The following PIEZO2 variants were observed in gnomAD, a reference collection of about 807,000 sequenced individuals.
The protein encoded by PIEZO2 is piezo-type mechanosensitive ion channel component 2.
PIEZO2 carries 172 observed loss-of-function variants against 337.3 expected under a neutral mutation model. That is an observed-to-expected ratio of 0.51 (90% CI 0.45 to 0.58). The LOEUF (loss-of-function observed/expected upper bound fraction) is 0.58. Among genes scored for constraint, PIEZO2 ranks in the 20% least tolerant of loss-of-function variants. The pLI is 0.00. For missense variants in PIEZO2, 3,028 were observed against 3,391.3 expected (o/e 0.89, Z 2.66); for synonymous variants, 1,251 against 1,228.5 (o/e 1.02, Z -0.38).
chr18:11,115,761 G>A (rs2039871867), intron 1 of PIEZO2, among the ~76,000 whole-genome samples: 1 of 151,996 alleles, frequency 6.6e-6, no homozygotes, highest in Admixed American at 6.6e-5. Flanking sequence ...ATCTGGCAAT[G>A]ATAATACTAG....
chr18:10,728,846 G>A (rs557746438), intron 36 of PIEZO2, among the ~76,000 whole-genome samples: 4 of 151,466 alleles, frequency 2.6e-5, no homozygotes, highest in South Asian at 4.2e-4. Context: ...TCCCAGCTAC[G>A]TGGGAGGCTG....
At chr18:10,715,276 G>A (rs1236973096) in intron 38 of PIEZO2, among the ~76,000 whole-genome samples, 2 of 152,018 alleles carry the variant, frequency 1.3e-5, no homozygotes, top group Non-Finnish European at 2.9e-5. Context: ...AAACTTTCCA[G>A]ACTTCAGTGA....
Position 11,078,076 on chromosome 18 carries a change from C to A in PIEZO2, c.65-11854G>T, listed in dbSNP as rs2038611041. ...CACACACACACACACACCACACACA[C>A]AAAAACAAACATACACACACACAAA... On this transcript the variant is annotated intron_variant, in intron 1 of 55. Transcript: ENST00000674853. The surrounding 1 kb of genome is among the most constrained non-coding windows in gnomAD (Gnocchi z 5.3). Among the ~76,000 whole-genome samples, 1 of 150,232 alleles carries A rather than the reference C, an allele frequency of 6.7e-6. No homozygotes were observed. Among genetic ancestry groups the A allele is most frequent in the Non-Finnish European group, 1.5e-5 (1 of 67,640 alleles).
Position 10,755,865 on chromosome 18 carries a change from G to A in PIEZO2, c.3923+2104C>T, listed in dbSNP as rs2037818312. ...GAGATGGGAGATGAGGAAGACGAAT[G>A]GAGGATGAGGAGGCAGGATGGGGAA... On this transcript the variant is annotated intron_variant, in intron 27 of 55. Transcript: ENST00000674853. Among the ~76,000 whole-genome samples the A allele has an allele frequency of 4.6e-5, 7 of 151,934 alleles. No individual in the cohort carries two copies. The South Asian group carries it at 1.5e-3, about 32-fold the overall frequency.
intron 1 of PIEZO2, among the ~76,000 whole-genome samples, chr18:11,085,100 T>C (rs1000989461): frequency 6.6e-6 from 1 of 152,162 alleles, no homozygotes; most frequent in Admixed American, 6.5e-5. Flanking sequence ...CCACAAGGTA[T>C]TGTCATTTTT....
At chr18:11,057,163 C>T (rs1460831397) in intron 2 of PIEZO2, among the ~76,000 whole-genome samples, 1 of 152,078 alleles carries the variant, frequency 6.6e-6, no homozygotes, top group Non-Finnish European at 1.5e-5. Context: ...GGATGGCTCT[C>T]GTTCTTGAGC....
At chr18:10,868,083 T>G (rs192864179) in intron 5 of PIEZO2, among the ~76,000 whole-genome samples, 1 of 152,318 alleles carries the variant, frequency 6.6e-6, no homozygotes, top group Admixed American at 6.5e-5. Flanking sequence ...ACACCAAACT[T>G]GAGCCTTATC....
At chr18:10,725,913 A>G (rs115222585) in intron 36 of PIEZO2, among the ~76,000 whole-genome samples, 2,876 of 152,280 alleles carry the variant, frequency 0.019, 94 homozygotes, top group African/African-American at 0.066. Flanking sequence ...AGGAGGGTGC[A>G]GGGCACTAAC....
chr18:10,728,440 G>A (rs918849196), intron 36 of PIEZO2: 35 of 152,270 alleles, frequency 2.3e-4, no homozygotes, highest in Non-Finnish European at 1.5e-5. Flanking sequence ...AAATGTTTGT[G>A]CAGTGATATC....
intron 4 of PIEZO2, among the ~76,000 whole-genome samples, chr18:10,909,093 G>T (rs1232982645): frequency 1.3e-5 from 2 of 152,172 alleles, no homozygotes; most frequent in Admixed American, 6.5e-5. Flanking sequence ...GATGAGCCTG[G>T]GCCATCTAAC....
chr18:11,114,888 T>C (rs10775416), intron 1 of PIEZO2, among the ~76,000 whole-genome samples: 42,368 of 152,074 alleles, frequency 0.28, 6,718 homozygotes, highest in East Asian at 0.43. Context: ...TTCCACTGAC[T>C]TAGCTCTTAA....
chr18:10,804,979 T>C (rs2144309006), intron 8 of PIEZO2, among the ~76,000 whole-genome samples: 1 of 152,348 alleles, frequency 6.6e-6, no homozygotes, highest in Admixed American at 6.5e-5. Flanking sequence ...ATAACATTGC[T>C]GTTGCTGTGT....
chr18:10,772,789 T>C (rs1340259520), intron 20 of PIEZO2, among the ~76,000 whole-genome samples: 1 of 152,178 alleles, frequency 6.6e-6, no homozygotes, highest in East Asian at 1.9e-4. Context: ...TCAATGTTCA[T>C]CATGCTCTAT....
At position 10,969,980 on chromosome 18, in the gene PIEZO2, T is replaced by A. The variant is rs1390082341; in HGVS notation, c.286+9555A>T. Among the ~76,000 whole-genome samples, 1 of 151,388 alleles carries A rather than the reference T, an allele frequency of 6.6e-6. No individual in the cohort carries two copies. Among genetic ancestry groups the A allele is most frequent in the Non-Finnish European group, 1.5e-5 (1 of 67,734 alleles). On this transcript the variant is annotated intron_variant, in intron 3 of 55. Coordinates refer to ENST00000674853, the MANE Select transcript of PIEZO2 (RefSeq NM_001378183.1). This position sits in a 1 kb window ranked among gnomAD's most constrained non-coding sequence, Gnocchi z 4.5. ...GGGCAGTATGCTATACATCAGCCAC[T>A]GTGGTCAGTGCTCAGGTTACAAAAA...
chr18:10,921,240 T>C lies in PIEZO2; in HGVS notation c.287-10012A>G, dbSNP rs79423798. Among the ~76,000 whole-genome samples, 1,175 of 152,176 alleles carry C rather than the reference T, an allele frequency of 7.7e-3. 38 individuals are homozygous for C. Among genetic ancestry groups the C allele is most frequent in the Admixed American group, 0.059 (905 of 15,276 alleles). On this transcript the variant is annotated intron_variant, in intron 3 of 55. Transcript: ENST00000674853. ...GATAAGGTGACGGAGCAGTGAGTTG[T>C]AAACTAAATGGAAGGTAGAGAAGGA...
At chr18:10,779,882 G>A (rs1169236023) in intron 18 of PIEZO2, among the ~76,000 whole-genome samples, 1 of 152,088 alleles carries the variant, frequency 6.6e-6, no homozygotes, top group African/African-American at 2.4e-5. Flanking sequence ...GGCAAGTGTC[G>A]GGACAGCATC....
At chr18:11,042,172 C>T (rs1229038432) in intron 2 of PIEZO2, among the ~76,000 whole-genome samples, 1 of 152,190 alleles carries the variant, frequency 6.6e-6, no homozygotes, top group Non-Finnish European at 1.5e-5. Flanking sequence ...AAAAGCCTGC[C>T]TCTGCCAATG....
chr18:10,964,998 T>C (rs1005576346), intron 3 of PIEZO2, among the ~76,000 whole-genome samples: 2 of 152,238 alleles, frequency 1.3e-5, no homozygotes, highest in African/African-American at 4.8e-5. Context: ...ATTCATCCTT[T>C]AATGGATATT....
intron 36 of PIEZO2, chr18:10,725,605 C>T (rs1229199482): frequency 4.6e-6 from 6 of 1,315,286 alleles, no homozygotes; most frequent in Admixed American, 4.8e-5. Context: ...CCTGAGCAGC[C>T]GCCTCCGCCC....
Sources: allele counts gnomAD v4.1 joint callset (sites outside exome capture counted in the v4.1 genomes callset), GRCh38; gene constraint gnomAD v4.1.1; non-coding constraint Gnocchi (gnomAD v3.1); transcripts MANE v1.5; gene names NCBI Gene and HGNC (gene_info 2026-07-23, HGNC 2026-07-21).